The following KCNMA1 variants were observed in gnomAD, a reference collection of about 807,000 sequenced individuals.
The protein encoded by KCNMA1 is Calcium-activated potassium channel subunit alpha-1.
Under a neutral mutation model 140.0 loss-of-function variants are expected in KCNMA1, and 29 were observed. That is an observed-to-expected ratio of 0.21 (90% CI 0.15 to 0.28). KCNMA1 has a LOEUF of 0.28. Among genes scored for constraint, KCNMA1 ranks in the 10% least tolerant of loss-of-function variants. The pLI, the probability that KCNMA1 is intolerant of heterozygous loss-of-function variation, is 1.00. For missense variants in KCNMA1, 880 were observed against 1,602.2 expected, an observed-to-expected ratio of 0.55 and a Z score of 7.70; for synonymous variants, 612 against 611.9, an observed-to-expected ratio of 1.00 and a Z score of 0.00.
At chr10:77,413,155 G>A (rs190543498) in intron 1 of KCNMA1, among the ~76,000 whole-genome samples, 3 of 151,990 alleles carry the variant, frequency 2.0e-5, no homozygotes, top group Admixed American at 6.6e-5. Context: ...CACCTCGCCC[G>A]GCCCCATGTT....
intron 3 of KCNMA1, among the ~76,000 whole-genome samples, chr10:77,224,480 G>T (rs1035462017): frequency 1.3e-5 from 2 of 152,208 alleles, no homozygotes; most frequent in Admixed American, 1.3e-4. Flanking sequence ...GAAAGGGGCT[G>T]CAGGACAATC....
intron 1 of KCNMA1, among the ~76,000 whole-genome samples, chr10:77,419,587 A>T (rs40430): frequency 0.48 from 73,324 of 151,954 alleles, 18,980 homozygotes; most frequent in East Asian, 0.73. Context: ...GGGGATACCG[A>T]CAGTATTTTA....
chr10:77,383,589 G>A (rs923048064), intron 2 of KCNMA1, among the ~76,000 whole-genome samples: 3 of 152,062 alleles, frequency 2.0e-5, no homozygotes, highest in African/African-American at 7.2e-5. Context: ...AGAAAAAAGT[G>A]AAATTAATTT....
intron 1 of KCNMA1, among the ~76,000 whole-genome samples, chr10:77,595,836 A>G (rs1722803829): frequency 6.6e-6 from 1 of 152,112 alleles, no homozygotes; most frequent in African/African-American, 2.4e-5. Context: ...TTTAGTAGAG[A>G]CTGGGTTTCT....
chr10:77,136,685 A>G (rs1295325365), intron 5 of KCNMA1, among the ~76,000 whole-genome samples: 2 of 152,180 alleles, frequency 1.3e-5, no homozygotes, highest in Non-Finnish European at 2.9e-5. Context: ...AAAGTAGAAG[A>G]AAAGCATAAA....
chr10:77,462,350 CAA>C (rs1398679991), intron 1 of KCNMA1, among the ~76,000 whole-genome samples: 1 of 152,040 alleles, frequency 6.6e-6, no homozygotes, highest in East Asian at 1.9e-4. Flanking sequence ...CATGGAGAAA[CAA>C]ATGCATACAT....
intron 2 of KCNMA1, among the ~76,000 whole-genome samples, chr10:77,299,377 C>G (rs1036316953): frequency 6.6e-5 from 10 of 152,200 alleles, no homozygotes; most frequent in Non-Finnish European, 1.2e-4. Flanking sequence ...GCTGCTTTGA[C>G]AGCCTGCATG....
intron 2 of KCNMA1, among the ~76,000 whole-genome samples, chr10:77,378,646 T>C (rs1220122063): frequency 6.6e-6 from 1 of 152,190 alleles, no homozygotes; most frequent in Non-Finnish European, 1.5e-5. Flanking sequence ...AGCTTCCTCA[T>C]TGTAAAGAGA....
At chr10:77,030,766 G>C (rs2093877520) in intron 15 of KCNMA1, among the ~76,000 whole-genome samples, 1 of 152,120 alleles carries the variant, frequency 6.6e-6, no homozygotes, top group Admixed American at 6.6e-5. Flanking sequence ...ACCTTATAGG[G>C]GATGGACCCG....
intron 18 of KCNMA1, among the ~76,000 whole-genome samples, chr10:77,002,990 GT>G (rs1322513214): frequency 6.6e-6 from 1 of 152,058 alleles, no homozygotes; most frequent in Non-Finnish European, 1.5e-5. Context: ...ATGGCTTGTG[GT>G]TTTGCCCTCT....
chr10:77,040,760 T>C (rs1250230746), intron 14 of KCNMA1, among the ~76,000 whole-genome samples: 1 of 152,246 alleles, frequency 6.6e-6, no homozygotes, highest in Admixed American at 6.5e-5. Flanking sequence ...GACAGATTTT[T>C]CTGACCCCCC....
intron 1 of KCNMA1, among the ~76,000 whole-genome samples, chr10:77,465,872 C>T (rs764568815): frequency 1.7e-4 from 26 of 152,314 alleles, no homozygotes; most frequent in Admixed American, 1.4e-3. Flanking sequence ...AGATGTGTGA[C>T]GCTTCCCGGG....
chr10:77,238,702 G>A (rs547265433), intron 3 of KCNMA1, among the ~76,000 whole-genome samples: 4 of 152,290 alleles, frequency 2.6e-5, no homozygotes, highest in Admixed American at 1.3e-4. Context: ...CTTAACCTTC[G>A]GGTTTGAAGA....
intron 1 of KCNMA1, among the ~76,000 whole-genome samples, chr10:77,590,650 G>A (rs536535656): frequency 2.2e-4 from 33 of 152,382 alleles, no homozygotes; most frequent in African/African-American, 7.9e-4. Context: ...TGCAGCAGCG[G>A]TCTGAAGGGC....
At position 77,361,251 on chromosome 10, in the gene KCNMA1, G is replaced by A. The variant is rs183677004; in HGVS notation, c.540+42611C>T. 6.1e-3 allele frequency among the ~76,000 whole-genome samples: 924 copies of A among 152,198 alleles called. 21 individuals carry two copies. Among genetic ancestry groups the A allele is most frequent in the Non-Finnish European group, 2.5e-3 (167 of 67,994 alleles). ...GTGTAGTATTATCATGATCGTCATCGTCATCATCATCATCATTGGGGCAGA... is the reference window on the plus strand; with the variant it reads ...GTGTAGTATTATCATGATCGTCATCATCATCATCATCATCATTGGGGCAGA... On this transcript the variant is annotated intron_variant, in intron 2 of 27. Coordinates refer to ENST00000286628, the MANE Select transcript of KCNMA1 (RefSeq NM_001161352.2).
At chr10:77,235,274 G>C (rs2055019774) in intron 3 of KCNMA1, among the ~76,000 whole-genome samples, 1 of 152,158 alleles carries the variant, frequency 6.6e-6, no homozygotes, top group Non-Finnish European at 1.5e-5. Flanking sequence ...GGTTGCAAGG[G>C]GGCAGCATGG....
At chr10:77,226,220 G>A (rs1208342353) in intron 3 of KCNMA1, among the ~76,000 whole-genome samples, 1 of 152,128 alleles carries the variant, frequency 6.6e-6, no homozygotes, top group Non-Finnish European at 1.5e-5. Flanking sequence ...TGCTGGGAGG[G>A]TTCTTGCCCT....
chr10:76,938,272 T>A (rs1235649887), intron 23 of KCNMA1, among the ~76,000 whole-genome samples: 1 of 152,010 alleles, frequency 6.6e-6, no homozygotes, highest in African/African-American at 2.4e-5. Flanking sequence ...TTCCACTAAG[T>A]CCCCGTGGAA....
intron 1 of KCNMA1, among the ~76,000 whole-genome samples, chr10:77,573,924 G>A (rs888994020): frequency 6.8e-6 from 1 of 147,376 alleles, no homozygotes; most frequent in African/African-American, 2.5e-5. Context: ...TGCAACTTCC[G>A]CCTCCCAGGC....
Sources: gnomAD v4.1 joint callset for allele counts (sites outside exome capture counted in the v4.1 genomes callset) on GRCh38, gnomAD v4.1.1 for gene constraint, MANE v1.5 for transcripts, NCBI Gene and HGNC (gene_info 2026-07-23, HGNC 2026-07-21) for gene names.